Variants in MICAL3 observed in about 807,000 individuals in gnomAD.
MICAL3 encodes the protein [F-actin]-monooxygenase MICAL3.
A neutral mutation model predicts 207.4 loss-of-function variants in MICAL3; 62 were observed. The observed-to-expected ratio is 0.30, with a 90% CI of 0.24 to 0.37. MICAL3 has a LOEUF of 0.37. Ranked by LOEUF, MICAL3 falls within the 10% of genes least tolerant of loss-of-function variation. The pLI is 1.00. For missense variants in MICAL3, 2,368 were observed against 2,635.6 expected (o/e 0.90, Z 2.22); for synonymous variants, 1,077 against 1,069.3 (o/e 1.01, Z -0.14).
chr22:17,791,910 A>G (rs147966608), intron 29 of MICAL3, among the ~76,000 whole-genome samples: 1 of 152,362 alleles, frequency 6.6e-6, no homozygotes, highest in Non-Finnish European at 1.5e-5. Flanking sequence ...GATGCAGGGC[A>G]TCTCAGGATG....
chr22:17,985,301 G>T (rs396717), intron 1 of MICAL3, among the ~76,000 whole-genome samples: 2 of 151,346 alleles, frequency 1.3e-5, no homozygotes, highest in South Asian at 2.1e-4. Flanking sequence ...TCCCTGGTGG[G>T]CCGTGCTGCT....
At chr22:17,948,156 G>A (rs1602270639) in intron 1 of MICAL3, among the ~76,000 whole-genome samples, 1 of 152,276 alleles carries the variant, frequency 6.6e-6, no homozygotes, top group Non-Finnish European at 1.5e-5. Flanking sequence ...AAATCACACT[G>A]CAGTCTGGCA....
rs1454557680 is a variant in MICAL3, at chr22:17,858,915, T to C, written c.2605+5984A>G. On this transcript the variant is annotated intron_variant, in intron 19 of 31. Coordinates refer to ENST00000441493, the MANE Select transcript of MICAL3 (RefSeq NM_015241.3). Reference sequence around the variant, plus strand: ...CTGAGATTTGAAAATTATGCACACGTATGTATCCATCCTTATTACTGACGC... The same window carrying C: ...CTGAGATTTGAAAATTATGCACACGCATGTATCCATCCTTATTACTGACGC... Among the ~76,000 whole-genome samples the C allele has an allele frequency of 2.6e-5, 4 of 152,188 alleles. No individual in the cohort carries two copies. The East Asian group carries it at 7.7e-4, about 29-fold the overall frequency.
rs142994817 is a variant in MICAL3, at chr22:17,960,988, G to A, written c.-74-54102C>T. 3.5e-4 allele frequency among the ~76,000 whole-genome samples: 54 copies of A among 152,234 alleles called. No individual in the cohort carries two copies. In the East Asian group the frequency reaches 9.8e-3, roughly 28 times the overall value. ...GCAGCTTTGGCATTGACTGGGGTGC[G>A]AGGGGAACCACTGCAGGAGTCTGAG... On this transcript the variant is annotated intron_variant, in intron 1 of 31. Coordinates refer to ENST00000441493, the MANE Select transcript of MICAL3 (RefSeq NM_015241.3).
At chr22:17,990,053 G>A (rs1433312245) in intron 1 of MICAL3, among the ~76,000 whole-genome samples, 1 of 152,032 alleles carries the variant, frequency 6.6e-6, no homozygotes. Flanking sequence ...TGGAAAAAGG[G>A]ACCAACGGAT....
At chr22:17,890,972 A>T (rs1008548885) in intron 12 of MICAL3, among the ~76,000 whole-genome samples, 3 of 152,220 alleles carry the variant, frequency 2.0e-5, no homozygotes, top group African/African-American at 7.2e-5. Flanking sequence ...TAAAAAACGC[A>T]GTCTTTAACA....
At chr22:17,913,151 C>A (rs1465892434) in intron 1 of MICAL3, among the ~76,000 whole-genome samples, 1 of 152,142 alleles carries the variant, frequency 6.6e-6, no homozygotes. Flanking sequence ...CTCCTCCCCC[C>A]ACCACTGTGC....
Position 17,991,753 on chromosome 22 carries a change from CTCA to C in MICAL3, c.-75+32525_-75+32527del, listed in dbSNP as rs201985934. ...AAAACCCAAGCAAAACGGTATCTCACTCATCATATCCAGTAGTAAGAAGTCCTA... is the reference window on the plus strand; with the variant it reads ...AAAACCCAAGCAAAACGGTATCTCACTCATATCCAGTAGTAAGAAGTCCTA... On this transcript the variant is annotated intron_variant, in intron 1 of 31. Coordinates refer to ENST00000441493, the MANE Select transcript of MICAL3 (RefSeq NM_015241.3). Among the ~76,000 whole-genome samples the C allele has an allele frequency of 3.4e-3, 515 of 152,278 alleles. 11 individuals carry two copies. The highest frequency in any genetic ancestry group is 0.032 in the Admixed American group (490 of 15,292).
intron 1 of MICAL3, among the ~76,000 whole-genome samples, chr22:17,950,903 T>G (rs1232628794): frequency 6.6e-6 from 1 of 152,162 alleles, no homozygotes; most frequent in African/African-American, 2.4e-5. Flanking sequence ...CGCCAAAGAA[T>G]GCTTCATGAG....
At chr22:18,011,738 A>C (rs1923749408) in intron 1 of MICAL3, among the ~76,000 whole-genome samples, 1 of 149,710 alleles carries the variant, frequency 6.7e-6, no homozygotes, top group Admixed American at 6.7e-5. Context: ...TATACAAAAA[A>C]AAAATTAGCT....
chr22:17,959,017 T>G (rs1236629056), intron 1 of MICAL3, among the ~76,000 whole-genome samples: 6 of 138,622 alleles, frequency 4.3e-5, no homozygotes, highest in Admixed American at 1.4e-4. Context: ...GGGGTTTTTT[T>G]TTTTTTTTTT....
chr22:17,983,044 G>T (rs1197066002), intron 1 of MICAL3, among the ~76,000 whole-genome samples: 2 of 152,166 alleles, frequency 1.3e-5, no homozygotes, highest in African/African-American at 4.8e-5. Context: ...GGCCCCATGG[G>T]TCTCTTCTAG....
intron 20 of MICAL3, among the ~76,000 whole-genome samples, chr22:17,837,018 G>T (rs1204311203): frequency 6.6e-6 from 1 of 152,214 alleles, no homozygotes; most frequent in African/African-American, 2.4e-5. Context: ...TAATCAGAGG[G>T]ACTCAAATCC....
At chr22:17,875,732 C>A (rs1465595318) in intron 16 of MICAL3, among the ~76,000 whole-genome samples, 2 of 149,388 alleles carry the variant, frequency 1.3e-5, no homozygotes, top group Non-Finnish European at 3.0e-5. Context: ...GCGGCCCATG[C>A]AAGGCTTCCG....
At chr22:17,984,083 C>T (rs566001698) in intron 1 of MICAL3, among the ~76,000 whole-genome samples, 1 of 152,272 alleles carries the variant, frequency 6.6e-6, no homozygotes, top group South Asian at 2.1e-4. Context: ...AAACCCTCAC[C>T]TTATCGTCAA....
intron 29 of MICAL3, among the ~76,000 whole-genome samples, chr22:17,802,272 C>T (rs539068725): frequency 1.3e-5 from 2 of 152,166 alleles, no homozygotes; most frequent in East Asian, 1.9e-4. Context: ...ACCATCTTGC[C>T]CAGGCTAGTT....
intron 1 of MICAL3, among the ~76,000 whole-genome samples, chr22:17,967,490 A>ACC (rs558758935): frequency 5.4e-5 from 6 of 111,228 alleles, no homozygotes; most frequent in Non-Finnish European, 1.1e-4. Context: ...ACACACACAC[A>ACC]CACCCACACA....
chr22:17,923,091 A>T (rs953465871), intron 1 of MICAL3, among the ~76,000 whole-genome samples: 1 of 152,110 alleles, frequency 6.6e-6, no homozygotes, highest in Non-Finnish European at 1.5e-5. Context: ...CTTCCATGGG[A>T]AGGAGGATCC....
chr22:17,872,491 C>T (rs1927822644), intron 16 of MICAL3, among the ~76,000 whole-genome samples: 1 of 152,182 alleles, frequency 6.6e-6, no homozygotes, highest in Non-Finnish European at 1.5e-5. Context: ...GAAATGCTAG[C>T]AGAGTTCTGT....
Sources: allele counts gnomAD v4.1 joint callset (sites outside exome capture counted in the v4.1 genomes callset), GRCh38; gene constraint gnomAD v4.1.1; transcripts MANE v1.5; gene names NCBI Gene and HGNC (gene_info 2026-07-23, HGNC 2026-07-21).